Variants in DHX34 observed in about 807,000 individuals in gnomAD.
The protein encoded by DHX34 is DExH-box helicase 34.
DHX34 carries 96 observed loss-of-function variants against 111.1 expected under a neutral mutation model. The observed-to-expected ratio is 0.86, with a 90% CI of 0.73 to 1.02. DHX34 has a LOEUF of 1.02. DHX34 is among the 50% of genes least tolerant of loss of function. DHX34 has a pLI of 0.00. For synonymous variants in DHX34, 688 were observed against 670.4 expected, an observed-to-expected ratio of 1.03 and a Z score of -0.41; for missense variants, 1,560 against 1,579.9, an observed-to-expected ratio of 0.99 and a Z score of 0.21.
At chr19:47,366,586 T>G (rs959058339) in intron 6 of DHX34, among the ~76,000 whole-genome samples, 13 of 151,508 alleles carry the variant, frequency 8.6e-5, no homozygotes, top group Non-Finnish European at 1.9e-4. Flanking sequence ...TGGCTGACAC[T>G]GGGAATTTGA....
At chr19:47,372,317 A>G (rs959998507) in intron 7 of DHX34, among the ~76,000 whole-genome samples, 1 of 151,908 alleles carries the variant, frequency 6.6e-6, no homozygotes, top group African/African-American at 2.4e-5. Flanking sequence ...TACAGGTGAC[A>G]CTCTAGCGCG....
chr19:47,358,319 A>T (rs955856975), intron 4 of DHX34, among the ~76,000 whole-genome samples, 199 bp downstream of exon 4: 5 of 152,222 alleles, frequency 3.3e-5, no homozygotes, highest in Non-Finnish European at 5.9e-5. Context: ...GAGGTCGGCA[A>T]ACTTTCTATA....
intron 3 of DHX34, among the ~76,000 whole-genome samples, chr19:47,357,589 C>T (rs1224784478): frequency 6.6e-6 from 1 of 152,132 alleles, no homozygotes; most frequent in African/African-American, 2.4e-5. Context: ...TCCTACGATG[C>T]ACAGGACAGC....
In DHX34 at chr19:47,350,608, C is replaced by T. The variant is rs144941477; in HGVS notation, c.-278+1256C>T. ...GCTAATTTTGTATTTTTAGTAGAGA[C>T]GGGATTTTTCCATGTTCGTCAGGCT... On this transcript the variant is annotated intron_variant, in intron 1 of 16. Transcript: ENST00000328771. Among the ~76,000 whole-genome samples, 989 of 151,892 alleles carry T rather than the reference C, an allele frequency of 6.5e-3. 4 individuals carry two copies. The highest frequency in any genetic ancestry group is 0.011 in the Non-Finnish European group (737 of 67,928).
chr19:47,351,764 A>G (rs1316769353), intron 1 of DHX34, among the ~76,000 whole-genome samples: 1 of 152,124 alleles, frequency 6.6e-6, no homozygotes, highest in African/African-American at 2.4e-5. Flanking sequence ...TCTCAGGCCA[A>G]TCCTTGGTTA....
chr19:47,351,598 G>C (rs1474395000), intron 1 of DHX34, among the ~76,000 whole-genome samples: 1 of 152,116 alleles, frequency 6.6e-6, no homozygotes, highest in African/African-American at 2.4e-5. Context: ...TTTTAGGAAA[G>C]ACTCTGTCAT....
intron 7 of DHX34, 77 bp from the exon 8 acceptor site, chr19:47,372,643 GGCGGGAGGGC>G: frequency 1.6e-6 from 2 of 1,285,784 alleles, no homozygotes; most frequent in Admixed American, 3.2e-5. Context: ...CAGGAGGGCA[GGCGGGAGGGC>G]AGGCTGGGGC....
chr19:47,379,718 G>A lies in DHX34; in HGVS notation c.2715G>A (p.Leu905=). The A allele has an allele frequency of 6.3e-7, 1 of 1,596,904 alleles. No homozygotes were observed. Among genetic ancestry groups the A allele is most frequent in the Non-Finnish European group, 8.6e-7 (1 of 1,166,150 alleles). ...CVRIPALQSL[L]LFSRSLDTNG... ...TGCCCCCTCTCTTTCAGTCCCTCCT[G>A]CTTTTTAGCCGGTCTTTGGACACCA... is the stretch of plus-strand genomic sequence containing the variant. The change falls in exon 14 of 17, where the codon CTG becomes CTA. Residue 905 remains leucine (L), a synonymous_variant. Coordinates refer to ENST00000328771, the MANE Select transcript of DHX34 (RefSeq NM_014681.6).
chr19:47,377,161 C>G lies in DHX34; in HGVS notation c.2661C>G (p.Thr887=), dbSNP rs760541949. The G allele has an allele frequency of 1.9e-6, 3 of 1,613,502 alleles. No homozygotes were observed. The highest frequency in any genetic ancestry group is 2.7e-5 in the African/African-American group (2 of 74,930). Residue 887 remains threonine, a synonymous_variant, in exon 13 of 17, where the codon ACC becomes ACG. Coordinates refer to ENST00000328771, the MANE Select transcript of DHX34 (RefSeq NM_014681.6). ...TCAGCTTCGTGTCCCTGCTGGAGAC[C>G]AACAAGCCGTACCTGGTGAACTGCG... ...QLLSFVSLLE[T]NKPYLVNCVR... is the part of the protein sequence containing the mutation.
In DHX34 at chr19:47,375,671, C is replaced by T; in HGVS notation, c.2270C>T (p.Pro757Leu). ...TCCAGTGACGAGGACAGGGCTGGCC[C>T]AGCCCCCCCAGGGGCCAGTGATGGC... The part of the protein sequence containing the change: ...GGSSDEDRAG[P>L]APPGASDGVD... The change falls in exon 10 of 17, where the codon CCA (proline) becomes CTA (leucine). Residue 757 changes from proline (P) to leucine (L), a missense_variant. Pro to Leu is a moderately conservative substitution (Grantham distance 98). Coordinates refer to ENST00000328771, the MANE Select transcript of DHX34 (RefSeq NM_014681.6). 6.4e-7 allele frequency: 1 copy of T among 1,557,292 alleles called. No individual in the cohort carries two copies. Among genetic ancestry groups the T allele is most frequent in the South Asian group, 1.2e-5 (1 of 85,964 alleles).
At chr19:47,362,717 C>T (rs1969674365) in intron 6 of DHX34, 24 bp downstream of exon 6, 2 of 1,579,110 alleles carry the variant, frequency 1.3e-6, no homozygotes, top group Non-Finnish European at 1.7e-6. Flanking sequence ...AGAAAGGGGA[C>T]TATATCCTAA....
chr19:47,377,227 GC>G (rs768657071), intron 13 of DHX34, 21 bp downstream of exon 13: 18 of 1,601,148 alleles, frequency 1.1e-5, no homozygotes, highest in African/African-American at 4.0e-5. Context: ...GCCCCACCCC[GC>G]CCCCATGCCC....
intron 11 of DHX34, 79 bp downstream of exon 11, chr19:47,376,176 A>G: frequency 4.0e-6 from 6 of 1,507,978 alleles, no homozygotes; most frequent in Non-Finnish European, 5.3e-6. Flanking sequence ...CCGGGAATGC[A>G]GTGGTGACTG....
At position 47,353,455 on chromosome 19, in the gene DHX34, A is replaced by G; in HGVS notation, c.425A>G (p.Asp142Gly). The change falls in exon 2 of 17, where the codon GAC (aspartate) becomes GGC (glycine). Residue 142 changes from aspartate to glycine, a missense_variant. Coordinates refer to ENST00000328771, the MANE Select transcript of DHX34 (RefSeq NM_014681.6). This position sits in a 1 kb window ranked among gnomAD's most constrained non-coding sequence, Gnocchi z 4.6. ...CGCCGAGCCCTGTTGCACTACCTGG[A>G]CTTTGGCCAGAAGCAGGCATTTGGG... ...EFRRALLHYLDFGQKQAFGRL... is the reference protein window; with the variant it reads ...EFRRALLHYLGFGQKQAFGRL... 6.2e-7 allele frequency: 1 copy of G among 1,614,112 alleles called. No individual in the cohort carries two copies. The highest frequency in any genetic ancestry group is 8.5e-7 in the Non-Finnish European group (1 of 1,180,036).
chr19:47,349,525 A>G (rs1340581496), intron 1 of DHX34, among the ~76,000 whole-genome samples, 173 bp downstream of exon 1: 2 of 152,128 alleles, frequency 1.3e-5, no homozygotes, highest in Non-Finnish European at 2.9e-5. Context: ...ATGGCACCTG[A>G]GCGTCCCTGG....
intron 1 of DHX34, among the ~76,000 whole-genome samples, chr19:47,349,907 G>A (rs1056101694): frequency 6.6e-5 from 10 of 152,176 alleles, no homozygotes; most frequent in Non-Finnish European, 1.2e-4. Context: ...GAACGATGCT[G>A]AGAAATGGAA....
At position 47,362,620 on chromosome 19, in the gene DHX34, C is replaced by T. The variant is rs374782101; in HGVS notation, c.1520C>T (p.Ser507Leu). 49 of 1,613,796 alleles carry T rather than the reference C, an allele frequency of 3.0e-5. No individual in the cohort carries two copies. The highest frequency in any genetic ancestry group is 4.0e-5 in the Non-Finnish European group (47 of 1,180,006). Residue 507 changes from serine (S) to leucine (L), a missense_variant, in exon 6 of 17, where the codon TCG (serine) becomes TTG (leucine). By Grantham distance (145) the Ser-to-Leu change is moderately radical. Transcript: ENST00000328771. ...PGVCFRLYAE[S>L]DYDAFAPYPV... ...GTCTGCTTCCGCCTCTATGCCGAATCGGACTATGATGCCTTCGCCCCCTAC... is the reference window on the plus strand; with the variant it reads ...GTCTGCTTCCGCCTCTATGCCGAATTGGACTATGATGCCTTCGCCCCCTAC...
Position 47,353,064 on chromosome 19 carries a change from C to T in DHX34, c.34C>T (p.Arg12Cys), listed in dbSNP as rs749349537. Residue 12 changes from arginine to cysteine, a missense_variant, in exon 2 of 17, where the codon CGC becomes TGC. Physicochemically the swap from Arg to Cys is radical, Grantham distance 180. Transcript: ENST00000328771. This position sits in a 1 kb window ranked among gnomAD's most constrained non-coding sequence, Gnocchi z 4.6. ...PPPRTREGRD[R>C]RDHHRAPSEE... Reference sequence around the variant, plus strand: ...TCCTAGAACAAGGGAGGGCAGGGATCGCCGAGACCACCACCGGGCTCCCAG... The same window carrying T: ...TCCTAGAACAAGGGAGGGCAGGGATTGCCGAGACCACCACCGGGCTCCCAG... 61 of 1,613,502 alleles carry T rather than the reference C, an allele frequency of 3.8e-5. No homozygotes were observed. The highest frequency in any genetic ancestry group is 1.7e-4 in the African/African-American group (13 of 74,890).
intron 14 of DHX34, 106 bp from the exon 15 acceptor site, chr19:47,380,710 G>GT (rs1194051529): frequency 5.9e-6 from 9 of 1,526,700 alleles, no homozygotes; most frequent in Non-Finnish European, 7.9e-6. Context: ...CTTGGCTCCC[G>GT]TAACTGCAAA....
Sources: gnomAD v4.1 joint callset for allele counts (sites outside exome capture counted in the v4.1 genomes callset) on GRCh38, gnomAD v4.1.1 for gene constraint, Gnocchi (gnomAD v3.1) non-coding constraint, MANE v1.5 for transcripts, NCBI Gene and HGNC (gene_info 2026-07-23, HGNC 2026-07-21) for gene names.